ADGRV1: variants seen among roughly 807,000 people sequenced by gnomAD.
ADGRV1 encodes the protein adhesion G protein-coupled receptor V1.
A neutral mutation model predicts 596.2 loss-of-function variants in ADGRV1; 359 were observed. The ratio of observed to expected loss-of-function variants is 0.60; its 90% CI spans 0.55 to 0.66. The LOEUF is 0.66. ADGRV1 is among the 30% of genes least tolerant of loss of function. The pLI is 0.00. For synonymous variants in ADGRV1, 2,681 were observed against 2,679.2 expected, an observed-to-expected ratio of 1.00 and a Z score of -0.02; for missense variants, 7,274 against 7,575.6, an observed-to-expected ratio of 0.96 and a Z score of 1.48.
intron 85 of ADGRV1, among the ~76,000 whole-genome samples, chr5:90,995,882 G>A (rs1450013851): frequency 6.6e-6 from 1 of 152,146 alleles, no homozygotes; most frequent in Non-Finnish European, 1.5e-5. Context: ...GGGCTCTCTG[G>A]AACTTTGAAA....
chr5:90,727,112 G>A (rs1227389702), intron 48 of ADGRV1, among the ~76,000 whole-genome samples: 1 of 152,010 alleles, frequency 6.6e-6, no homozygotes, highest in Non-Finnish European at 1.5e-5. Flanking sequence ...GGGGGGGATG[G>A]GGTCTGGCTC....
At chr5:90,822,562 T>C (rs575994272) in intron 75 of ADGRV1, among the ~76,000 whole-genome samples, 10 of 152,282 alleles carry the variant, frequency 6.6e-5, no homozygotes, top group African/African-American at 2.4e-4. Flanking sequence ...TCAGGTAGCG[T>C]GATGCCTCCA....
In ADGRV1 at chr5:90,653,390, G is replaced by T; in HGVS notation, c.3816G>T (p.Leu1272Phe). 2 of 1,613,934 alleles carry T rather than the reference G, an allele frequency of 1.2e-6. No individual in the cohort carries two copies. Among genetic ancestry groups the T allele is most frequent in the Non-Finnish European group, 1.7e-6 (2 of 1,179,878 alleles). ...DMSYITNFTI[L>F]RQQGVFGDVQ... ...CTTATATTACCAACTTCACCATTTT[G>T]AGGCAGCAGGGTGTGTTTGGTGATG... The change falls in exon 20 of 90, where the codon TTG (leucine) becomes TTT (phenylalanine). Residue 1272 changes from leucine to phenylalanine, a missense_variant. By Grantham distance (22) the Leu-to-Phe change is conservative. Transcript: ENST00000405460.
intron 85 of ADGRV1, among the ~76,000 whole-genome samples, chr5:91,004,849 AG>A (rs1261841455): frequency 1.3e-5 from 2 of 152,268 alleles, no homozygotes; most frequent in Middle Eastern, 6.8e-3. Flanking sequence ...AAGTGTGAGA[AG>A]TCCTAGGGGA....
chr5:90,742,113 A>G (rs1442268112), intron 50 of ADGRV1, among the ~76,000 whole-genome samples: 1 of 152,210 alleles, frequency 6.6e-6, no homozygotes, highest in African/African-American at 2.4e-5. Context: ...TGGGGAAACA[A>G]GGGTAAGCAA....
At chr5:90,926,337 A>C (rs1774446857) in intron 83 of ADGRV1, among the ~76,000 whole-genome samples, 1 of 151,470 alleles carries the variant, frequency 6.6e-6, no homozygotes, top group Non-Finnish European at 1.5e-5. Flanking sequence ...TCAGAGATTC[A>C]ACTTCTTCCT....
At chr5:90,719,650 C>T (rs150626477) in intron 43 of ADGRV1, among the ~76,000 whole-genome samples, 1 of 152,188 alleles carries the variant, frequency 6.6e-6, no homozygotes, top group East Asian at 1.9e-4. Flanking sequence ...CACTGATGAA[C>T]GTTCGGATGT....
At chr5:90,800,708 A>G (rs1444350145) in intron 70 of ADGRV1, among the ~76,000 whole-genome samples, 2 of 152,194 alleles carry the variant, frequency 1.3e-5, no homozygotes, top group African/African-American at 4.8e-5. Flanking sequence ...GATAAAGAAA[A>G]TGTGACACAT....
intron 34 of ADGRV1, among the ~76,000 whole-genome samples, chr5:90,698,927 A>G (rs1747551403): frequency 6.6e-6 from 1 of 152,150 alleles, no homozygotes; most frequent in Admixed American, 6.6e-5. Flanking sequence ...ATGGCCAAAA[A>G]GGGGAGTTAG....
intron 76 of ADGRV1, among the ~76,000 whole-genome samples, 190 bp downstream of exon 76, chr5:90,823,786 T>G (rs1039040448): frequency 6.6e-6 from 1 of 152,232 alleles, no homozygotes; most frequent in African/African-American, 2.4e-5. Flanking sequence ...TGGTATTTTG[T>G]AAATAAACTT....
At chr5:90,971,556 T>C (rs560129613) in intron 84 of ADGRV1, among the ~76,000 whole-genome samples, 2 of 152,256 alleles carry the variant, frequency 1.3e-5, no homozygotes, top group East Asian at 3.9e-4. Flanking sequence ...TCAACATTCT[T>C]AAAGAAAAGA....
At chr5:90,816,554 T>C (rs1174574424) in intron 75 of ADGRV1, among the ~76,000 whole-genome samples, 11 of 147,040 alleles carry the variant, frequency 7.5e-5, no homozygotes, top group Non-Finnish European at 1.4e-4. Context: ...AATGCTATCC[T>C]TCCCCCCTCC....
chr5:90,693,137 G>GTTTTTTTTTTTTTTTTTT, intron 32 of ADGRV1, among the ~76,000 whole-genome samples: 1 of 131,766 alleles, frequency 7.6e-6, no homozygotes, highest in Non-Finnish European at 1.6e-5. Flanking sequence ...TTCCAGGTCT[G>GTTTTTTTTTTTTTTTTTT]TTTTTTTTTT....
intron 76 of ADGRV1, among the ~76,000 whole-genome samples, chr5:90,825,047 A>T (rs997596586): frequency 6.6e-6 from 1 of 151,816 alleles, no homozygotes; most frequent in Non-Finnish European, 1.5e-5. Flanking sequence ...AGCGATTCTC[A>T]TGCCTCAGCC....
intron 20 of ADGRV1, among the ~76,000 whole-genome samples, chr5:90,657,329 ATTTG>A (rs532326666): frequency 2.6e-3 from 402 of 151,840 alleles, no homozygotes; most frequent in African/African-American, 9.2e-3. Context: ...TGTCCTTGCT[ATTTG>A]TTAGTCTGAG....
chr5:91,067,371 G>A (rs1460329395), intron 85 of ADGRV1, among the ~76,000 whole-genome samples: 1 of 152,004 alleles, frequency 6.6e-6, no homozygotes, highest in Non-Finnish European at 1.5e-5. Context: ...TTGAACTCCC[G>A]ACCTCAGGTG....
chr5:90,636,698 C>T (rs1766254117), intron 10 of ADGRV1, among the ~76,000 whole-genome samples: 1 of 152,176 alleles, frequency 6.6e-6, no homozygotes, highest in Non-Finnish European at 1.5e-5. Context: ...TGATTCAGGG[C>T]CCCAGCCCTC....
chr5:91,072,427 T>G lies in ADGRV1; in HGVS notation c.18153-20T>G. The G allele has an allele frequency of 1.2e-6, 2 of 1,607,684 alleles. No individual in the cohort carries two copies. Among genetic ancestry groups the G allele is most frequent in the South Asian group, 2.2e-5 (2 of 90,910 alleles). ...TTGCGCTGAAAGTGTCTGAGTTACT[T>G]CTTCTCATTTCTCTTCCAGGTGTTT... On this transcript the variant is annotated intron_variant, in intron 85 of 89. Transcript: ENST00000405460.
intron 83 of ADGRV1, among the ~76,000 whole-genome samples, chr5:90,864,655 A>G (rs570912743): frequency 1.3e-5 from 2 of 152,296 alleles, no homozygotes; most frequent in Admixed American, 1.3e-4. Context: ...GTTAAGGACT[A>G]AAAAGGGCCT....
Sources: gnomAD v4.1 joint callset for allele counts (sites outside exome capture counted in the v4.1 genomes callset) on GRCh38, gnomAD v4.1.1 for gene constraint, MANE v1.5 for transcripts, NCBI Gene and HGNC (gene_info 2026-07-23, HGNC 2026-07-21) for gene names.